Variants in KMO observed in about 807,000 individuals in gnomAD.
The protein encoded by KMO is kynurenine 3-hydroxylase.
In KMO, 24 loss-of-function variants were observed where a neutral mutation model predicts 57.8. The observed-to-expected ratio is 0.42, with a 90% CI of 0.30 to 0.58. The LOEUF is 0.58. Among genes scored for constraint, KMO ranks in the 20% least tolerant of loss-of-function variants. The pLI is 0.22. For missense variants in KMO, 483 were observed against 588.2 expected (o/e 0.82, Z 1.85); for synonymous variants, 210 against 193.6 (o/e 1.08, Z -0.70).
In KMO at chr1:241,549,786, ATCTT is replaced by A; in HGVS notation, c.222+17_222+20del. On this transcript the variant is annotated intron_variant, in intron 3 of 14. Coordinates refer to ENST00000366559, the MANE Select transcript of KMO (RefSeq NM_003679.5). ...GCCTGGAAGATCAGGTACTTAATGT[ATCTT>A]TCTTACAGAAGATAATACCTGGTAT... is the stretch of plus-strand genomic sequence containing the variant. The A allele has an allele frequency of 6.6e-7, 1 of 1,525,464 alleles. No individual in the cohort carries two copies. The highest frequency in any genetic ancestry group is 9.1e-7 in the Non-Finnish European group (1 of 1,102,190). The allele number at this position is 1,525,464 out of a possible 1,614,324, so 94.5% of individuals were successfully genotyped here.
rs1661560449 is a variant in KMO, at chr1:241,555,025, C to T, written c.313-587C>T. Among the ~76,000 whole-genome samples, 4 of 152,014 alleles carry T rather than the reference C, an allele frequency of 2.6e-5. No homozygotes were observed. In the South Asian group the frequency reaches 8.3e-4, roughly 32 times the overall value. The stretch of plus-strand genomic sequence containing the variant: ...TGTACGCCCATAGGCGCTGTGTCTA[C>T]CTTGCCTCAAGGGAGGGTCAGCTTT... On this transcript the variant is annotated intron_variant, in intron 4 of 14. Coordinates refer to ENST00000366559, the MANE Select transcript of KMO (RefSeq NM_003679.5).
chr1:241,555,388 C>T (rs1661574865), intron 4 of KMO, among the ~76,000 whole-genome samples: 1 of 152,148 alleles, frequency 6.6e-6, no homozygotes, highest in Non-Finnish European at 1.5e-5. Context: ...AAGTATTAAA[C>T]TTTGAAAAAG....
Position 241,594,805 on chromosome 1 carries a change from G to C in KMO, c.*2652G>C. The C allele has an allele frequency of 8.3e-7, 1 of 1,210,786 alleles. No homozygotes were observed. The highest frequency in any genetic ancestry group is 1.2e-6 in the Non-Finnish European group (1 of 864,054). The allele number at this position is 1,210,786 out of a possible 1,614,324, so 75.0% of individuals were successfully genotyped here. A position where few individuals can be genotyped will look rare whatever the true frequency, so the allele number is the denominator to read the frequency against. On this transcript the variant is annotated 3_prime_UTR_variant, in exon 15 of 15. Transcript: ENST00000366559. ...TAAGTTGTTTTTTGTTTGTTAGCAG[G>C]TGTGGATGTGGGGTTATGTGGTCAT...
At chr1:241,560,434 T>C (rs1393036363) in intron 5 of KMO, among the ~76,000 whole-genome samples, 2 of 152,242 alleles carry the variant, frequency 1.3e-5, no homozygotes, top group East Asian at 3.8e-4. Flanking sequence ...TTGGATGTTT[T>C]CTTTTTGAGA....
chr1:241,541,696 T>C (rs1325751116), intron 1 of KMO, among the ~76,000 whole-genome samples: 1 of 152,200 alleles, frequency 6.6e-6, no homozygotes, highest in African/African-American at 2.4e-5. Flanking sequence ...TGGCATAACA[T>C]ATGCAATTCT....
intron 3 of KMO, among the ~76,000 whole-genome samples, chr1:241,550,410 C>T (rs1661352605): frequency 6.6e-6 from 1 of 152,142 alleles, no homozygotes; most frequent in Non-Finnish European, 1.5e-5. Context: ...ATCATGTGAG[C>T]TTAATGTTGT....
At chr1:241,559,959 G>C (rs1245799135) in intron 5 of KMO, among the ~76,000 whole-genome samples, 2 of 151,946 alleles carry the variant, frequency 1.3e-5, no homozygotes, top group Non-Finnish European at 2.9e-5. Context: ...ATACCTTTAA[G>C]AACAATAAAT....
chr1:241,590,248 G>A lies in KMO; in HGVS notation c.1245G>A (p.Trp415Ter), dbSNP rs779374968. The change falls in exon 14 of 15, where the codon TGG (tryptophan) becomes TGA (stop). Residue 415 changes from tryptophan to a stop codon, truncating the protein, a stop_gained. Coordinates refer to ENST00000366559, the MANE Select transcript of KMO (RefSeq NM_003679.5). LOFTEE classifies it low-confidence loss of function (END_TRUNC). ...RIRYHEAVQR[W>*]HWQKKVINKG... ...GATACCATGAGGCTGTGCAGCGTTGGCATTGGCAAAAAAAGGTTGGAACAG... is the reference window on the plus strand; with the variant it reads ...GATACCATGAGGCTGTGCAGCGTTGACATTGGCAAAAAAAGGTTGGAACAG... 1.7e-5 allele frequency: 28 copies of A among 1,612,866 alleles called. No individual in the cohort carries two copies. The highest frequency in any genetic ancestry group is 2.3e-5 in the Non-Finnish European group (27 of 1,179,440).
chr1:241,588,329 C>CTTTTTTTTTTTTTTTTTTTTTTTTTTTTT (rs57587351), intron 11 of KMO, among the ~76,000 whole-genome samples: 3 of 98,390 alleles, frequency 3.0e-5, no homozygotes, highest in Non-Finnish European at 3.8e-5. Context: ...TCTTTTTTTT[C>CTTTTTTTTTTTTTTTTTTTTTTTTTTTTT]TTTTTTTTTT....
intron 1 of KMO, among the ~76,000 whole-genome samples, chr1:241,532,836 C>A (rs905783467): frequency 2.2e-4 from 33 of 152,154 alleles, no homozygotes; most frequent in African/African-American, 8.0e-4. Context: ...TTTTTAGGAA[C>A]AGGAATTAGT....
At chr1:241,559,230 G>A (rs1352743983) in intron 5 of KMO, among the ~76,000 whole-genome samples, 3 of 151,900 alleles carry the variant, frequency 2.0e-5, no homozygotes, top group Admixed American at 6.6e-5. Context: ...ATCCCATACA[G>A]GCAACACATC....
chr1:241,576,200 T>A (rs1662510322), intron 10 of KMO, among the ~76,000 whole-genome samples: 1 of 152,022 alleles, frequency 6.6e-6, no homozygotes. Flanking sequence ...TGGTTTCTGA[T>A]GTTTTTATCC....
chr1:241,588,932 A>C (rs539834531), intron 12 of KMO, 102 bp downstream of exon 12: 1 of 758,214 alleles, frequency 1.3e-6, no homozygotes, highest in African/African-American at 1.7e-5. Context: ...CATGCATGCT[A>C]TATAAGAATA....
At chr1:241,536,154 T>C (rs1660744654) in intron 1 of KMO, among the ~76,000 whole-genome samples, 1 of 152,158 alleles carries the variant, frequency 6.6e-6, no homozygotes. Flanking sequence ...AATGTAGTCC[T>C]TTCAATGAGT....
At chr1:241,553,321 G>T (rs1215963953) in intron 4 of KMO, among the ~76,000 whole-genome samples, 1 of 152,196 alleles carries the variant, frequency 6.6e-6, no homozygotes, top group East Asian at 1.9e-4. Flanking sequence ...TGGTGTTCCT[G>T]CAGGGATGAC....
At position 241,594,478 on chromosome 1, in the gene KMO, C is replaced by T. The variant is rs758193359; in HGVS notation, c.*2325C>T. The T allele has an allele frequency of 1.1e-5, 17 of 1,613,940 alleles. No individual in the cohort carries two copies. In the East Asian group the frequency reaches 1.3e-4, roughly 13 times the overall value. On this transcript the variant is annotated 3_prime_UTR_variant, in exon 15 of 15. Coordinates refer to ENST00000366559, the MANE Select transcript of KMO (RefSeq NM_003679.5). The stretch of plus-strand genomic sequence containing the variant: ...TCAACTTTGGACCCATTGGTTTTGT[C>T]GCTGTCGTCAACTGACAGTGATTCA...
chr1:241,562,158 A>G lies in KMO; in HGVS notation c.450-9A>G, dbSNP rs1306020714. ...ATTTTTCTTTTGGATGTTTTGTTCT[A>G]TTTTTCAGATCTGACAAAGTTCCCA... On this transcript the variant is annotated splice_polypyrimidine_tract_variant and intron_variant, in intron 6 of 14. Coordinates refer to ENST00000366559, the MANE Select transcript of KMO (RefSeq NM_003679.5). 4 of 1,612,874 alleles carry G rather than the reference A, an allele frequency of 2.5e-6. No homozygotes were observed. The highest frequency in any genetic ancestry group is 2.7e-5 in the African/African-American group (2 of 74,820).
chr1:241,594,908 C>A lies in KMO; in HGVS notation c.*2755C>A. 1.8e-6 allele frequency: 1 copy of A among 540,838 alleles called. No individual in the cohort carries two copies. Among genetic ancestry groups the A allele is most frequent in the Non-Finnish European group, 3.3e-6 (1 of 306,034 alleles). 33.5% of individuals were successfully genotyped at this position (540,838 alleles called of 1,614,324 possible). ...TTCTTATTAACCGGAATATGTAGGA[C>A]CATTTCAATACCTTGTAATCCTCCA... is the stretch of plus-strand genomic sequence containing the variant. On this transcript the variant is annotated 3_prime_UTR_variant, in exon 15 of 15. Transcript: ENST00000366559.
chr1:241,536,127 A>T (rs1660743334), intron 1 of KMO, among the ~76,000 whole-genome samples: 1 of 152,042 alleles, frequency 6.6e-6, no homozygotes, highest in African/African-American at 2.4e-5. Flanking sequence ...TTTTTTTAAC[A>T]CAATTATGTC....
Sources: gnomAD v4.1 joint callset for allele counts (sites outside exome capture counted in the v4.1 genomes callset) on GRCh38, gnomAD v4.1.1 for gene constraint, MANE v1.5 for transcripts, NCBI Gene and HGNC (gene_info 2026-07-23, HGNC 2026-07-21) for gene names.